CTDSPL: variants seen among roughly 807,000 people sequenced by gnomAD.
The protein encoded by CTDSPL is CTD small phosphatase like, also known as CTD small phosphatase-like protein.
Under a neutral mutation model 30.5 loss-of-function variants are expected in CTDSPL, and 8 were observed. That is an observed-to-expected ratio of 0.26 (90% CI 0.15 to 0.47). CTDSPL has a LOEUF of 0.47. CTDSPL is among the 20% of genes least tolerant of loss of function. The pLI, the probability that CTDSPL is intolerant of heterozygous loss-of-function variation, is 0.99. For missense variants in CTDSPL, 248 were observed against 366.1 expected, an observed-to-expected ratio of 0.68 and a Z score of 2.63; for synonymous variants, 110 against 137.9, an observed-to-expected ratio of 0.80 and a Z score of 1.42.
At chr3:37,941,409 ATCTTTTTT>A (rs1222582286) in intron 1 of CTDSPL, among the ~76,000 whole-genome samples, 8 of 144,874 alleles carry the variant, frequency 5.5e-5, no homozygotes, top group Admixed American at 3.5e-4. Flanking sequence ...CTTTCTTTCT[ATCTTTTTT>A]TCTTTTTTTT....
intron 1 of CTDSPL, among the ~76,000 whole-genome samples, chr3:37,885,988 A>G (rs1411608288): frequency 1.3e-5 from 2 of 152,162 alleles, no homozygotes; most frequent in Non-Finnish European, 2.9e-5. Context: ...GAGCTTTTCC[A>G]GTTGACATGT....
At chr3:37,924,803 A>G (rs1164029910) in intron 1 of CTDSPL, among the ~76,000 whole-genome samples, 1 of 152,148 alleles carries the variant, frequency 6.6e-6, no homozygotes, top group Non-Finnish European at 1.5e-5. Context: ...AGCTCTACCC[A>G]GCTAATTTTG....
intron 1 of CTDSPL, among the ~76,000 whole-genome samples, chr3:37,927,666 G>A (rs1465144043): frequency 3.0e-5 from 4 of 134,368 alleles, no homozygotes; most frequent in African/African-American, 9.5e-5. Context: ...GTGTGTGTGT[G>A]TGTGTGTGTG....
At chr3:37,888,978 G>A (rs1698293718) in intron 1 of CTDSPL, among the ~76,000 whole-genome samples, 1 of 152,232 alleles carries the variant, frequency 6.6e-6, no homozygotes, top group Non-Finnish European at 1.5e-5. Context: ...GCCCAGGTAA[G>A]CCTTGTTGGA....
intron 3 of CTDSPL, among the ~76,000 whole-genome samples, chr3:37,960,508 ATATATAT>A (rs1699228838): frequency 3.7e-5 from 1 of 27,258 alleles, no homozygotes; most frequent in African/African-American, 1.6e-4. Flanking sequence ...AAAAAAAAAT[ATATATAT>A]ATATATATAT....
intron 5 of CTDSPL, among the ~76,000 whole-genome samples, 153 bp downstream of exon 5, chr3:37,968,035 T>G (rs1252527508): frequency 6.6e-6 from 1 of 152,256 alleles, no homozygotes; most frequent in Non-Finnish European, 1.5e-5. Context: ...TTTCTTTTTT[T>G]CACTCCAATG....
chr3:37,877,218 C>G (rs913062987), intron 1 of CTDSPL, among the ~76,000 whole-genome samples: 1 of 152,158 alleles, frequency 6.6e-6, no homozygotes, highest in Non-Finnish European at 1.5e-5. Flanking sequence ...CTCCAGAACT[C>G]TTTTCATATT....
In CTDSPL at chr3:37,862,315, A is replaced by T. The variant is rs1697951334; in HGVS notation, c.79+37A>T. The T allele has an allele frequency of 7.0e-7, 1 of 1,437,372 alleles. No homozygotes were observed. The highest frequency in any genetic ancestry group is 1.4e-5 in the South Asian group (1 of 72,420). 89.0% of individuals were successfully genotyped at this position (1,437,372 alleles called of 1,614,324 possible). A position where few individuals can be genotyped will look rare whatever the true frequency, so the allele number is the denominator to read the frequency against. On this transcript the variant is annotated intron_variant, in intron 1 of 7. Coordinates refer to ENST00000273179, the MANE Select transcript of CTDSPL (RefSeq NM_001008392.2). The surrounding 1 kb of genome is among the most constrained non-coding windows in gnomAD (Gnocchi z 4.3). ...CGCAGGCGGCCGCGGGCTGGGGGCG[A>T]GCGCACACCCCGCGCCGCTGGAGTT...
At chr3:37,904,656 G>C (rs1698491665) in intron 1 of CTDSPL, among the ~76,000 whole-genome samples, 1 of 152,154 alleles carries the variant, frequency 6.6e-6, no homozygotes, top group African/African-American at 2.4e-5. Context: ...TCAGCCTGTG[G>C]CTCTCTGCTC....
In CTDSPL at chr3:37,947,097, C is replaced by T; in HGVS notation, c.120C>T (p.Arg40=). ...TCAGCTTAAAGAAGCAGAGGAGCCG[C>T]AGCATCCTTAGCTCCTTCTTCTGCT... ...CNVSLKKQRS[R]SILSSFFCCF... Residue 40 remains arginine, a synonymous_variant, in exon 2 of 8, where the codon CGC becomes CGT. Coordinates refer to ENST00000273179, the MANE Select transcript of CTDSPL (RefSeq NM_001008392.2). The T allele has an allele frequency of 6.2e-7, 1 of 1,613,956 alleles. No individual in the cohort carries two copies. Among genetic ancestry groups the T allele is most frequent in the Non-Finnish European group, 8.5e-7 (1 of 1,179,994 alleles).
At chr3:37,883,481 G>A (rs1410848348) in intron 1 of CTDSPL, among the ~76,000 whole-genome samples, 1 of 152,186 alleles carries the variant, frequency 6.6e-6, no homozygotes. Flanking sequence ...CAGTTATGAA[G>A]GTAGGCAACA....
At chr3:37,953,380 A>G (rs1169894434) in intron 2 of CTDSPL, among the ~76,000 whole-genome samples, 3 of 152,198 alleles carry the variant, frequency 2.0e-5, no homozygotes, top group African/African-American at 4.8e-5. Flanking sequence ...TCAGAAAAAC[A>G]TGCCTTATTT....
At chr3:37,942,976 A>T (rs1354655223) in intron 1 of CTDSPL, among the ~76,000 whole-genome samples, 2 of 150,454 alleles carry the variant, frequency 1.3e-5, no homozygotes, top group Non-Finnish European at 3.0e-5. Flanking sequence ...ACTGTAGTGG[A>T]CCTGAGCCAG....
intron 1 of CTDSPL, among the ~76,000 whole-genome samples, chr3:37,935,794 C>T (rs1698908029): frequency 6.6e-6 from 1 of 152,114 alleles, no homozygotes; most frequent in Non-Finnish European, 1.5e-5. Flanking sequence ...CAGAGTTTCT[C>T]TATGGAAATT....
chr3:37,933,981 G>C (rs1690483517), intron 1 of CTDSPL, among the ~76,000 whole-genome samples: 1 of 152,166 alleles, frequency 6.6e-6, no homozygotes, highest in Non-Finnish European at 1.5e-5. Flanking sequence ...AATGTCCAAA[G>C]TTAGTTTAAT....
intron 1 of CTDSPL, among the ~76,000 whole-genome samples, chr3:37,869,537 T>C (rs752507949): frequency 2.0e-5 from 3 of 152,146 alleles, no homozygotes; most frequent in African/African-American, 4.8e-5. Context: ...GTCCTTCACA[T>C]AGACAAACGT....
At chr3:37,970,460 T>A (rs1438108221) in intron 5 of CTDSPL, among the ~76,000 whole-genome samples, 1 of 152,238 alleles carries the variant, frequency 6.6e-6, no homozygotes. Context: ...ACATGCTGAA[T>A]TGAATTTTAA....
chr3:37,903,265 A>C (rs1008269630), intron 1 of CTDSPL, among the ~76,000 whole-genome samples: 1 of 152,130 alleles, frequency 6.6e-6, no homozygotes, highest in African/African-American at 2.4e-5. Context: ...TGTTAGCTAC[A>C]CCTCTCATTC....
intron 7 of CTDSPL, among the ~76,000 whole-genome samples, chr3:37,979,526 G>A (rs942951822): frequency 3.9e-5 from 6 of 152,136 alleles, no homozygotes; most frequent in African/African-American, 1.4e-4. Flanking sequence ...CCAGGAGTTG[G>A]AGGTTGCAGT....
Sources: allele counts gnomAD v4.1 joint callset (sites outside exome capture counted in the v4.1 genomes callset), GRCh38; gene constraint gnomAD v4.1.1; non-coding constraint Gnocchi (gnomAD v3.1); transcripts MANE v1.5; gene names NCBI Gene and HGNC (gene_info 2026-07-23, HGNC 2026-07-21).